COL11A1: variants seen among roughly 807,000 people sequenced by gnomAD.
The protein encoded by COL11A1 is collagen alpha-1(XI) chain.
Under a neutral mutation model 265.2 loss-of-function variants are expected in COL11A1, and 74 were observed. That is an observed-to-expected ratio of 0.28 (90% confidence interval 0.23 to 0.34). COL11A1 has a LOEUF of 0.34. Ranked by LOEUF, COL11A1 falls within the 10% of genes least tolerant of loss-of-function variation. The probability of loss-of-function intolerance (pLI) is 1.00; values close to 1 mark genes in which losing one functional copy is unlikely to be tolerated. For missense variants in COL11A1, 2,165 were observed against 2,263.6 expected (o/e 0.96, Z 0.88); for synonymous variants, 816 against 727.6 (o/e 1.12, Z -1.96).
intron 9 of COL11A1, 25 bp downstream of exon 9, chr1:103,021,682 A>G: frequency 6.5e-7 from 1 of 1,531,224 alleles, no homozygotes; most frequent in Non-Finnish European, 9.1e-7. Flanking sequence ...ACCAACCTTT[A>G]AAGTGTATTC....
rs377647050 is a variant in COL11A1, at chr1:102,961,859, T to A, written c.3168+7A>T. 4.5e-5 allele frequency: 72 copies of A among 1,612,480 alleles called. 1 individual carries two copies. The South Asian group carries it at 7.8e-4, about 18-fold the overall frequency. ...ATTGTCTGGCTATTTATTATCATCATACTTACAACTGGACCTGGTGGGCCC... is the reference window on the plus strand; with the variant it reads ...ATTGTCTGGCTATTTATTATCATCAAACTTACAACTGGACCTGGTGGGCCC... On this transcript the variant is annotated splice_region_variant and intron_variant, in intron 41 of 66. Coordinates refer to ENST00000370096, the MANE Select transcript of COL11A1 (RefSeq NM_001854.4).
chr1:103,086,610 G>T (rs1312965513), intron 1 of COL11A1, among the ~76,000 whole-genome samples: 2 of 151,994 alleles, frequency 1.3e-5, no homozygotes, highest in East Asian at 3.9e-4. Context: ...TAGAGACGGG[G>T]TTTCACAGTG....
At chr1:103,005,943 C>G (rs753627140) in intron 17 of COL11A1, 52 bp from the exon 18 acceptor site, 21 of 1,612,554 alleles carry the variant, frequency 1.3e-5, no homozygotes, top group Non-Finnish European at 1.6e-5. Context: ...CAATTCCAGT[C>G]TAGATATGTA....
At chr1:102,909,512 A>G (rs1654394314) in intron 54 of COL11A1, among the ~76,000 whole-genome samples, 1 of 152,116 alleles carries the variant, frequency 6.6e-6, no homozygotes, top group Non-Finnish European at 1.5e-5. Flanking sequence ...TTTGTACATT[A>G]TATTTTCATT....
intron 64 of COL11A1, among the ~76,000 whole-genome samples, chr1:102,882,800 A>G (rs1278869793): frequency 6.6e-6 from 1 of 152,196 alleles, no homozygotes; most frequent in Non-Finnish European, 1.5e-5. Context: ...TAAGTGCAGA[A>G]AAGACTTGTA....
rs527701337 is a variant in COL11A1, at chr1:103,028,906, A to T, written c.780+2210T>A. Among the ~76,000 whole-genome samples, 13 of 152,254 alleles carry T rather than the reference A, an allele frequency of 8.5e-5. 1 individual carries two copies. The South Asian group carries it at 2.7e-3, about 32-fold the overall frequency. On this transcript the variant is annotated intron_variant, in intron 5 of 66. Coordinates refer to ENST00000370096, the MANE Select transcript of COL11A1 (RefSeq NM_001854.4). The stretch of plus-strand genomic sequence containing the variant: ...AACATCTAATTTTTTATAAGATAGG[A>T]AGATAATTTCACTTGATAAGAAAAT...
intron 9 of COL11A1, 55 bp from the exon 10 acceptor site, chr1:103,018,914 A>AT: frequency 2.2e-6 from 3 of 1,343,912 alleles, no homozygotes; most frequent in Non-Finnish European, 3.2e-6. Context: ...CCAACCTCTT[A>AT]ATTACATGAA....
chr1:102,934,684 C>A, intron 45 of COL11A1, 128 bp from the exon 46 acceptor site: 1 of 752,914 alleles, frequency 1.3e-6, no homozygotes. Context: ...AAAAAGTAGA[C>A]TGAATGCCCA....
At chr1:103,027,360 G>T (rs1030747378) in intron 5 of COL11A1, among the ~76,000 whole-genome samples, 1 of 131,534 alleles carries the variant, frequency 7.6e-6, no homozygotes, top group African/African-American at 2.9e-5. Context: ...GTCATATGTA[G>T]CATAAAAAGC....
chr1:102,998,054 G>GA (rs912757736), intron 25 of COL11A1, among the ~76,000 whole-genome samples: 8 of 151,542 alleles, frequency 5.3e-5, no homozygotes, highest in Admixed American at 1.3e-4. Context: ...AGGAGGAAAT[G>GA]AAAAAAAATA....
chr1:103,023,103 G>C, intron 7 of COL11A1, 107 bp from the exon 8 acceptor site: 2 of 1,197,660 alleles, frequency 1.7e-6, no homozygotes, highest in Non-Finnish European at 2.4e-6. Flanking sequence ...ATGCGATTTT[G>C]TTACTACTCA....
chr1:102,969,067 GCT>G (rs1557884870), intron 37 of COL11A1, among the ~76,000 whole-genome samples: 1 of 152,088 alleles, frequency 6.6e-6, no homozygotes, highest in African/African-American at 2.4e-5. Flanking sequence ...GTTTATTTCT[GCT>G]CCTCATACAG....
At chr1:103,060,982 A>AC (rs1285901990) in intron 4 of COL11A1, among the ~76,000 whole-genome samples, 1 of 152,142 alleles carries the variant, frequency 6.6e-6, no homozygotes, top group African/African-American at 2.4e-5. Context: ...ATCAAAAAAA[A>AC]ACCAAGGCTC....
chr1:102,987,362 C>A (rs115389602), intron 30 of COL11A1, among the ~76,000 whole-genome samples: 1 of 125,540 alleles, frequency 8.0e-6, no homozygotes, highest in South Asian at 3.4e-4. Context: ...TTGTCATAGA[C>A]ATTTCTTGCT....
At chr1:102,880,514 A>C (rs1038584684) in intron 65 of COL11A1, among the ~76,000 whole-genome samples, 5 of 152,202 alleles carry the variant, frequency 3.3e-5, no homozygotes, top group Non-Finnish European at 7.4e-5. Flanking sequence ...AGCAGGCATA[A>C]TGTGCAAGAC....
chr1:103,087,378 AACTT>A (rs1313216757), intron 1 of COL11A1, among the ~76,000 whole-genome samples: 3 of 152,180 alleles, frequency 2.0e-5, no homozygotes, highest in Admixed American at 1.3e-4. Context: ...TCATTCCACC[AACTT>A]GATTAAGCTT....
intron 1 of COL11A1, among the ~76,000 whole-genome samples, chr1:103,083,886 A>G (rs1389905895): frequency 6.6e-6 from 1 of 152,106 alleles, no homozygotes; most frequent in African/African-American, 2.4e-5. Flanking sequence ...AATTTCCCAA[A>G]TCTAATTCAT....
intron 7 of COL11A1, 53 bp from the exon 8 acceptor site, chr1:103,023,049 A>T: frequency 6.5e-7 from 1 of 1,544,800 alleles, no homozygotes; most frequent in Non-Finnish European, 8.8e-7. Context: ...TTGTTAGTAA[A>T]GCAAGGTAAG....
At chr1:102,934,398 G>A in intron 46 of COL11A1, 51 bp downstream of exon 46, 2 of 1,324,260 alleles carry the variant, frequency 1.5e-6, no homozygotes, top group Non-Finnish European at 2.2e-6. Context: ...CAGAAAACCT[G>A]GTGAGAAGTA....
Sources: gnomAD v4.1 joint callset for allele counts (sites outside exome capture counted in the v4.1 genomes callset) on GRCh38, gnomAD v4.1.1 for gene constraint, MANE v1.5 for transcripts, NCBI Gene and HGNC (gene_info 2026-07-23, HGNC 2026-07-21) for gene names.